Variants in LHX2 observed in about 807,000 individuals in gnomAD.
LHX2 encodes LIM/homeobox protein Lhx2.
In LHX2, 6 loss-of-function variants were observed where a neutral mutation model predicts 33.0. That is an observed-to-expected ratio of 0.18 (90% CI 0.10 to 0.36). The LOEUF is 0.36. Ranked by LOEUF, LHX2 falls within the 10% of genes least tolerant of loss-of-function variation. The probability of loss-of-function intolerance (pLI) is 1.00; values close to 1 mark genes in which losing one functional copy is unlikely to be tolerated. For synonymous variants in LHX2, 292 were observed against 253.1 expected, an observed-to-expected ratio of 1.15 and a Z score of -1.46; for missense variants, 442 against 586.2, an observed-to-expected ratio of 0.75 and a Z score of 2.54.
In LHX2 at chr9:124,032,907, CT is replaced by C. The variant is rs1224508260; in HGVS notation, c.*201del. On this transcript the variant is annotated 3_prime_UTR_variant, in exon 5 of 5. Coordinates refer to ENST00000373615, the MANE Select transcript of LHX2 (RefSeq NM_004789.4). This position sits in a 1 kb window ranked among gnomAD's most constrained non-coding sequence, Gnocchi z 4.1. Reference sequence around the variant, plus strand: ...CCGAGGAACAACTTGGAAGATCTACCTGCAACACAACATTTGTGTCACTGTA... The same window carrying C: ...CCGAGGAACAACTTGGAAGATCTACCGCAACACAACATTTGTGTCACTGTA... The C allele has an allele frequency of 1.9e-6, 1 of 519,228 alleles. No homozygotes were observed. The highest frequency in any genetic ancestry group is 3.3e-6 in the Non-Finnish European group (1 of 301,984). 32.2% of individuals were successfully genotyped at this position (519,228 alleles called of 1,614,324 possible). A position where few individuals can be genotyped will look rare whatever the true frequency, so the allele number is the denominator to read the frequency against.
rs1044015238 is a variant in LHX2 at position 124,011,849 on chromosome 9, G to A, written c.-500G>A. 6.6e-6 allele frequency: 1 copy of A among 152,378 alleles called. No homozygotes were observed. Among genetic ancestry groups the A allele is most frequent in the Non-Finnish European group, 1.5e-5 (1 of 68,096 alleles). 9.4% of individuals were successfully genotyped at this position (152,378 alleles called of 1,614,324 possible). ...CGCCGACTCAGCGCCCAAGAGGGTC[G>A]CCTTGGGCTGGGGGCGCACCCCAGG... On this transcript the variant is annotated 5_prime_UTR_variant, in exon 1 of 5. Coordinates refer to ENST00000373615, the MANE Select transcript of LHX2 (RefSeq NM_004789.4).
At position 124,012,559 on chromosome 9, in the gene LHX2, T is replaced by C; in HGVS notation, c.120+91T>C. 1 of 1,363,184 alleles carries C rather than the reference T, an allele frequency of 7.3e-7. No individual in the cohort carries two copies. The highest frequency in any genetic ancestry group is 9.5e-7 in the Non-Finnish European group (1 of 1,048,458). The allele number at this position is 1,363,184 out of a possible 1,614,324, so 84.4% of individuals were successfully genotyped here. A position where few individuals can be genotyped will look rare whatever the true frequency, so the allele number is the denominator to read the frequency against. ...CTCCCCGAAGTTTGGGGAGCGTCCT[T>C]CGTGCCGCACGGGACTGGGTGCTGG... On this transcript the variant is annotated intron_variant, in intron 1 of 4. Coordinates refer to ENST00000373615, the MANE Select transcript of LHX2 (RefSeq NM_004789.4). This position sits in a 1 kb window ranked among gnomAD's most constrained non-coding sequence, Gnocchi z 4.3.
intron 4 of LHX2, chr9:124,031,854 CAG>C (rs1319340913): frequency 6.6e-6 from 1 of 152,158 alleles, no homozygotes; most frequent in Non-Finnish European, 1.5e-5. Context: ...TTCGGGAGTA[CAG>C]CTCAGCTCTG....
intron 3 of LHX2, among the ~76,000 whole-genome samples, chr9:124,020,532 C>A (rs1859274178): frequency 6.6e-6 from 1 of 152,068 alleles, no homozygotes; most frequent in South Asian, 2.1e-4. Context: ...GTCCCAGACA[C>A]GGTAGGGGGA....
intron 4 of LHX2, among the ~76,000 whole-genome samples, chr9:124,027,805 G>A (rs1367767796): frequency 2.0e-5 from 3 of 152,154 alleles, no homozygotes; most frequent in South Asian, 2.1e-4. Flanking sequence ...GCAACAGAGC[G>A]AGACTTCATC....
intron 4 of LHX2, chr9:124,031,482 A>C (rs531090680): frequency 9.8e-5 from 15 of 152,298 alleles, no homozygotes; most frequent in African/African-American, 3.6e-4. Flanking sequence ...TGTCTCAAAG[A>C]ACCATTAGGA....
intron 3 of LHX2, among the ~76,000 whole-genome samples, chr9:124,019,658 A>T (rs767727269): frequency 2.6e-5 from 4 of 152,200 alleles, no homozygotes; most frequent in African/African-American, 9.6e-5. Context: ...ATACTAAAAA[A>T]TTACTTATTA....
rs1416667971 is a variant in LHX2, at chr9:124,012,259, C to G, written c.-90C>G. ...GGGCCGCGGTGGCGATGCACCGGGC[C>G]CGTTAGCGCCAGGAGCGCCAGGCAG... On this transcript the variant is annotated 5_prime_UTR_variant, in exon 1 of 5. Transcript: ENST00000373615. This position sits in a 1 kb window ranked among gnomAD's most constrained non-coding sequence, Gnocchi z 4.3. 1.5e-6 allele frequency: 2 copies of G among 1,295,434 alleles called. No individual in the cohort carries two copies. The highest frequency in any genetic ancestry group is 2.0e-6 in the Non-Finnish European group (2 of 1,013,330). The allele number at this position is 1,295,434 out of a possible 1,614,324, so 80.2% of individuals were successfully genotyped here.
chr9:124,012,289 G>C lies in LHX2; in HGVS notation c.-60G>C. The C allele has an allele frequency of 1.4e-6, 2 of 1,437,182 alleles. No homozygotes were observed. The highest frequency in any genetic ancestry group is 3.0e-5 in the African/African-American group (2 of 67,118). The allele number at this position is 1,437,182 out of a possible 1,614,324, so 89.0% of individuals were successfully genotyped here. ...AGCGCCAGGAGCGCCAGGCAGCTGA[G>C]GCGGGGGGCAAGCCCTCCCTCGGAG... is the stretch of plus-strand genomic sequence containing the variant. On this transcript the variant is annotated 5_prime_UTR_variant, in exon 1 of 5. Transcript: ENST00000373615. The surrounding 1 kb of genome is among the most constrained non-coding windows in gnomAD (Gnocchi z 4.3).
intron 4 of LHX2, chr9:124,031,925 GTTTTA>G (rs930656341): frequency 1.3e-5 from 2 of 152,428 alleles, no homozygotes; most frequent in African/African-American, 2.4e-5. Context: ...TGAAATTTTT[GTTTTA>G]TTTTATTAAG....
chr9:124,030,368 C>A (rs1364502346), intron 4 of LHX2, among the ~76,000 whole-genome samples: 3 of 152,208 alleles, frequency 2.0e-5, no homozygotes, highest in African/African-American at 7.2e-5. Context: ...ACCCCAGAAT[C>A]TGCAGAGTGC....
At chr9:124,013,044 G>A (rs1378351113) in intron 1 of LHX2, among the ~76,000 whole-genome samples, 2 of 152,242 alleles carry the variant, frequency 1.3e-5, no homozygotes, top group African/African-American at 4.8e-5. Context: ...TCAGGCTCCG[G>A]CCTGGCCCTC....
intron 4 of LHX2, among the ~76,000 whole-genome samples, chr9:124,023,843 C>T (rs1205126716): frequency 6.6e-6 from 1 of 152,174 alleles, no homozygotes; most frequent in East Asian, 1.9e-4. Flanking sequence ...TAGGTATAGA[C>T]ACAGACCCAT....
intron 3 of LHX2, among the ~76,000 whole-genome samples, chr9:124,018,449 C>G (rs1859233471): frequency 6.6e-6 from 1 of 152,082 alleles, no homozygotes; most frequent in Non-Finnish European, 1.5e-5. Flanking sequence ...CCGCCGCCGC[C>G]CCCTGCCCTT....
Position 124,032,328 on chromosome 9 carries a change from G to A in LHX2, c.934-92G>A. ...TCCTCTTGGCAAAACACAGATCAGCGTCCCCAGAGGCAGCAGAGCTCTGAG... is the reference window on the plus strand; with the variant it reads ...TCCTCTTGGCAAAACACAGATCAGCATCCCCAGAGGCAGCAGAGCTCTGAG... On this transcript the variant is annotated intron_variant, in intron 4 of 4. Transcript: ENST00000373615. The surrounding 1 kb of genome is among the most constrained non-coding windows in gnomAD (Gnocchi z 4.1). The A allele has an allele frequency of 7.2e-7, 1 of 1,392,154 alleles. No individual in the cohort carries two copies. The highest frequency in any genetic ancestry group is 9.6e-7 in the Non-Finnish European group (1 of 1,045,592). 86.2% of individuals were successfully genotyped at this position (1,392,154 alleles called of 1,614,324 possible).
At chr9:124,030,724 C>T (rs575719616) in intron 4 of LHX2, among the ~76,000 whole-genome samples, 16 of 150,806 alleles carry the variant, frequency 1.1e-4, no homozygotes, top group Non-Finnish European at 2.1e-4. Flanking sequence ...CTCCGCCTCC[C>T]GGGTTCAAGC....
In LHX2 at chr9:124,014,461, C is replaced by T. The variant is rs1267592403; in HGVS notation, c.323+298C>T. Among the ~76,000 whole-genome samples, 1 of 152,182 alleles carries T rather than the reference C, an allele frequency of 6.6e-6. No homozygotes were observed. Among genetic ancestry groups the T allele is most frequent in the South Asian group, 2.1e-4 (1 of 4,832 alleles). ...CTTGAGTTGGGATCCTTGCTCCCCT[C>T]TCTCTTTGAAGTTTCTTGAGTTAAT... On this transcript the variant is annotated intron_variant, in intron 2 of 4. Transcript: ENST00000373615. The surrounding 1 kb of genome is among the most constrained non-coding windows in gnomAD (Gnocchi z 4.8).
rs1177194189 is a variant in LHX2 at position 124,012,302 on chromosome 9, C to T, written c.-47C>T. 6.1e-6 allele frequency: 9 copies of T among 1,463,678 alleles called. No homozygotes were observed. Among genetic ancestry groups the T allele is most frequent in the Non-Finnish European group, 8.1e-6 (9 of 1,112,536 alleles). The allele number at this position is 1,463,678 out of a possible 1,614,324, so 90.7% of individuals were successfully genotyped here. A position where few individuals can be genotyped will look rare whatever the true frequency, so the allele number is the denominator to read the frequency against. ...CCAGGCAGCTGAGGCGGGGGGCAAG[C>T]CCTCCCTCGGAGGAGCCGCGCCCCC... On this transcript the variant is annotated 5_prime_UTR_variant, in exon 1 of 5. Transcript: ENST00000373615. The surrounding 1 kb of genome is among the most constrained non-coding windows in gnomAD (Gnocchi z 4.3).
At position 124,014,198 on chromosome 9, in the gene LHX2, T is replaced by TC; in HGVS notation, c.323+41dup. 2 of 1,288,104 alleles carry TC rather than the reference T, an allele frequency of 1.6e-6. No homozygotes were observed. Among genetic ancestry groups the TC allele is most frequent in the South Asian group, 1.2e-5 (1 of 83,440 alleles). The allele number at this position is 1,288,104 out of a possible 1,614,324, so 79.8% of individuals were successfully genotyped here. ...CCACCCAACTGCCCCTCAGGACCCC[T>TC]CCCCCCAATCTCAGGCACAGTCTTA... On this transcript the variant is annotated intron_variant, in intron 2 of 4. Coordinates refer to ENST00000373615, the MANE Select transcript of LHX2 (RefSeq NM_004789.4). The surrounding 1 kb of genome is among the most constrained non-coding windows in gnomAD (Gnocchi z 4.8).
Sources: allele counts gnomAD v4.1 joint callset (sites outside exome capture counted in the v4.1 genomes callset), GRCh38; gene constraint gnomAD v4.1.1; non-coding constraint Gnocchi (gnomAD v3.1); transcripts MANE v1.5; gene names NCBI Gene and HGNC (gene_info 2026-07-23, HGNC 2026-07-21).